SUFU: variants seen among roughly 807,000 people sequenced by gnomAD.
SUFU encodes SUFU negative regulator of hedgehog signaling, also known as suppressor of fused homolog.
SUFU carries 7 observed loss-of-function variants against 58.9 expected under a neutral mutation model. That is an observed-to-expected ratio of 0.12 (90% CI 0.07 to 0.22). The LOEUF is 0.22. Among genes scored for constraint, SUFU ranks in the 10% least tolerant of loss-of-function variants. SUFU has a pLI of 1.00. For synonymous variants in SUFU, 232 were observed against 254.8 expected (o/e 0.91, Z 0.85); for missense variants, 451 against 641.3 (o/e 0.70, Z 3.20).
intron 3 of SUFU, among the ~76,000 whole-genome samples, chr10:102,588,289 A>C (rs963214687): frequency 6.6e-6 from 1 of 151,214 alleles, no homozygotes; most frequent in African/African-American, 2.4e-5. Context: ...GCTACTCGGG[A>C]GGCTGAGGCA....
intron 2 of SUFU, among the ~76,000 whole-genome samples, chr10:102,538,955 T>A (rs2062770982): frequency 6.6e-6 from 1 of 152,212 alleles, no homozygotes; most frequent in African/African-American, 2.4e-5. Flanking sequence ...GCTGACATTT[T>A]GGTGGCTCTT....
At chr10:102,530,265 A>G (rs186689964) in intron 2 of SUFU, among the ~76,000 whole-genome samples, 18 of 152,056 alleles carry the variant, frequency 1.2e-4, no homozygotes, top group African/African-American at 3.1e-4. Context: ...GTTTCCACCT[A>G]AGTCCACCCA....
At chr10:102,548,553 C>A (rs1270144931) in intron 2 of SUFU, among the ~76,000 whole-genome samples, 1 of 152,200 alleles carries the variant, frequency 6.6e-6, no homozygotes, top group Non-Finnish European at 1.5e-5. Context: ...TGTTTGTATG[C>A]TGACGAGTTT....
chr10:102,604,123 C>T (rs1564701790), intron 8 of SUFU, among the ~76,000 whole-genome samples: 1 of 152,154 alleles, frequency 6.6e-6, no homozygotes, highest in Admixed American at 6.5e-5. Context: ...CCTCACACTC[C>T]CACGCTGGGG....
At chr10:102,615,120 G>A (rs2063671328) in intron 8 of SUFU, 148 bp from the exon 9 acceptor site, 3 of 1,216,500 alleles carry the variant, frequency 2.5e-6, no homozygotes, top group Non-Finnish European at 3.5e-6. Flanking sequence ...GCGCTCGCCA[G>A]GCATATACAG....
At chr10:102,524,617 A>G (rs2062589030) in intron 2 of SUFU, among the ~76,000 whole-genome samples, 1 of 152,072 alleles carries the variant, frequency 6.6e-6, no homozygotes, top group South Asian at 2.1e-4. Context: ...CACCGTGCCC[A>G]GCCTATTTCT....
chr10:102,620,810 C>A (rs562071443), intron 10 of SUFU, among the ~76,000 whole-genome samples: 3 of 152,184 alleles, frequency 2.0e-5, no homozygotes, highest in African/African-American at 7.2e-5. Context: ...GGGAGCCCGG[C>A]CCAGAGCTGA....
intron 2 of SUFU, among the ~76,000 whole-genome samples, chr10:102,526,993 G>GTTTTTT (rs34862176): frequency 2.9e-5 from 3 of 102,064 alleles, no homozygotes; most frequent in East Asian, 5.2e-4. Context: ...TATTATTATT[G>GTTTTTT]TTTTTTTTTT....
intron 10 of SUFU, among the ~76,000 whole-genome samples, chr10:102,620,646 A>T (rs958668416): frequency 6.6e-6 from 1 of 152,176 alleles, no homozygotes; most frequent in African/African-American, 2.4e-5. Context: ...TTATCAGCCA[A>T]TTCCGGGGCT....
intron 8 of SUFU, among the ~76,000 whole-genome samples, chr10:102,605,572 C>T (rs1465882269): frequency 6.6e-6 from 1 of 152,102 alleles, no homozygotes; most frequent in Non-Finnish European, 1.5e-5. Context: ...CCTTTTACTC[C>T]TATATTGTCC....
chr10:102,630,120 C>T lies in SUFU; in HGVS notation c.1420C>T (p.Leu474=). The change falls in exon 12 of 12, where the codon CTG becomes TTG. Residue 474 remains leucine (L), a synonymous_variant. Transcript: ENST00000369902. ...WPEKKLKVSI[L]PDVVFDSPLH The stretch of plus-strand genomic sequence containing the variant: ...TGAAAAGAAGCTGAAGGTCTCCATC[C>T]TGCCTGACGTGGTGTTCGACAGTCC... The T allele has an allele frequency of 1.9e-6, 3 of 1,614,236 alleles. No individual in the cohort carries two copies. Among genetic ancestry groups the T allele is most frequent in the Non-Finnish European group, 2.5e-6 (3 of 1,180,034 alleles).
rs527930313 is a variant in SUFU, at chr10:102,549,359, A to G, written c.318-611A>G. On this transcript the variant is annotated intron_variant, in intron 2 of 11. Coordinates refer to ENST00000369902, the MANE Select transcript of SUFU (RefSeq NM_016169.4). ...ACAAGAGAGTGGGCAAAAGCAGAGAAAACTGCCCTATAAACCCATCAGATC... is the reference window on the plus strand; with the variant it reads ...ACAAGAGAGTGGGCAAAAGCAGAGAGAACTGCCCTATAAACCCATCAGATC... Among the ~76,000 whole-genome samples the G allele has an allele frequency of 3.3e-5, 5 of 152,330 alleles. No individual in the cohort carries two copies. In the South Asian group the frequency reaches 1.0e-3, roughly 32 times the overall value.
At chr10:102,524,065 A>C (rs1189532764) in intron 2 of SUFU, among the ~76,000 whole-genome samples, 1 of 151,804 alleles carries the variant, frequency 6.6e-6, no homozygotes, top group Non-Finnish European at 1.5e-5. Flanking sequence ...TTCGCAAATA[A>C]CTTCTCTCAG....
At chr10:102,592,044 G>A (rs1371951935) in intron 3 of SUFU, among the ~76,000 whole-genome samples, 1 of 152,198 alleles carries the variant, frequency 6.6e-6, no homozygotes, top group Non-Finnish European at 1.5e-5. Flanking sequence ...TGTTCCTCAG[G>A]AATTCCTACA....
intron 3 of SUFU, among the ~76,000 whole-genome samples, chr10:102,557,977 T>C (rs1219096292): frequency 1.3e-5 from 2 of 151,918 alleles, no homozygotes; most frequent in Non-Finnish European, 2.9e-5. Context: ...TCCAGCTCAC[T>C]GCACCTCCGC....
At chr10:102,568,890 A>C (rs2063122581) in intron 3 of SUFU, among the ~76,000 whole-genome samples, 1 of 44,206 alleles carries the variant, frequency 2.3e-5, no homozygotes. Flanking sequence ...AAAAAAAAAA[A>C]AAAAAAAATA....
chr10:102,521,850 T>G (rs990880402), intron 2 of SUFU, among the ~76,000 whole-genome samples: 1 of 152,242 alleles, frequency 6.6e-6, no homozygotes, highest in South Asian at 2.1e-4. Context: ...TTTTTTTCAC[T>G]TATAAAAACA....
At chr10:102,604,969 T>A (rs1249676562) in intron 8 of SUFU, among the ~76,000 whole-genome samples, 2 of 139,046 alleles carry the variant, frequency 1.4e-5, no homozygotes, top group Non-Finnish European at 3.0e-5. Flanking sequence ...TCTCACTCTG[T>A]CACCTAGACT....
At chr10:102,551,420 C>T (rs1414739615) in intron 3 of SUFU, among the ~76,000 whole-genome samples, 3 of 151,950 alleles carry the variant, frequency 2.0e-5, no homozygotes, top group African/African-American at 7.2e-5. Flanking sequence ...GTTGGATCAC[C>T]TGAGGTCAGG....
Sources: gnomAD v4.1 joint callset for allele counts (sites outside exome capture counted in the v4.1 genomes callset) on GRCh38, gnomAD v4.1.1 for gene constraint, MANE v1.5 for transcripts, NCBI Gene and HGNC (gene_info 2026-07-23, HGNC 2026-07-21) for gene names.